ARHGAP12: variants seen among roughly 807,000 people sequenced by gnomAD.
ARHGAP12 encodes Rho GTPase activating protein 12.
ARHGAP12 carries 64 observed loss-of-function variants against 108.6 expected under a neutral mutation model. The ratio of observed to expected loss-of-function variants is 0.59; its 90% CI spans 0.48 to 0.73. ARHGAP12 has a LOEUF of 0.73. Among genes scored for constraint, ARHGAP12 ranks in the 30% least tolerant of loss-of-function variants. The probability of loss-of-function intolerance (pLI) is 0.00; values close to 1 mark genes in which losing one functional copy is unlikely to be tolerated. For synonymous variants in ARHGAP12, 312 were observed against 337.2 expected, an observed-to-expected ratio of 0.93 and a Z score of 0.82; for missense variants, 940 against 1,005.9, an observed-to-expected ratio of 0.93 and a Z score of 0.89.
Position 31,839,619 on chromosome 10 carries a change from T to A in ARHGAP12, c.1371+18A>T. 1 of 1,574,638 alleles carries A rather than the reference T, an allele frequency of 6.4e-7. No individual in the cohort carries two copies. The highest frequency in any genetic ancestry group is 8.7e-7 in the Non-Finnish European group (1 of 1,150,218). Reference sequence around the variant, plus strand: ...AATAACTGGACTACATTATAAGATATGCTTCTATCATACTAACTGTATCTT... The same window carrying A: ...AATAACTGGACTACATTATAAGATAAGCTTCTATCATACTAACTGTATCTT... On this transcript the variant is annotated intron_variant, in intron 8 of 19. Coordinates refer to ENST00000344936, the MANE Select transcript of ARHGAP12 (RefSeq NM_018287.7).
At position 31,813,340 on chromosome 10, in the gene ARHGAP12, A is replaced by G. The variant is rs1272002990; in HGVS notation, c.1835-517T>C. 3.9e-5 allele frequency among the ~76,000 whole-genome samples: 6 copies of G among 152,260 alleles called. No individual in the cohort carries two copies. In the Middle Eastern group the frequency reaches 0.014, roughly 345 times the overall value. On this transcript the variant is annotated intron_variant, in intron 14 of 19. Coordinates refer to ENST00000344936, the MANE Select transcript of ARHGAP12 (RefSeq NM_018287.7). Reference sequence around the variant, plus strand: ...TGTATTTTAAGCTAACTTTCATCATAATTATTTGTACTCTAAGCTACAAAT... The same window carrying G: ...TGTATTTTAAGCTAACTTTCATCATGATTATTTGTACTCTAAGCTACAAAT...
intron 2 of ARHGAP12, among the ~76,000 whole-genome samples, chr10:31,910,205 G>A (rs1177159772): frequency 1.3e-5 from 2 of 152,162 alleles, no homozygotes; most frequent in African/African-American, 4.8e-5. Flanking sequence ...AGCAGCCCTA[G>A]GAAACTAATA....
rs531277359 is a variant in ARHGAP12, at chr10:31,919,986, T to C, written c.-111+8697A>G. ...CAAAAATTAGCTGGCCATGGTGGCA[T>C]GCCTGTAATCCCAGCTACTCAAGGC... On this transcript the variant is annotated intron_variant, in intron 1 of 19. Transcript: ENST00000344936. Among the ~76,000 whole-genome samples, 33 of 150,064 alleles carry C rather than the reference T, an allele frequency of 2.2e-4. No individual in the cohort carries two copies. In the South Asian group the frequency reaches 6.3e-3, roughly 29 times the overall value.
At chr10:31,882,604 G>A (rs1838016583) in intron 3 of ARHGAP12, among the ~76,000 whole-genome samples, 1 of 151,306 alleles carries the variant, frequency 6.6e-6, no homozygotes, top group East Asian at 2.0e-4. Context: ...CATGAGGTCA[G>A]GAGTTTGAGA....
Position 31,908,484 on chromosome 10 carries a change from T to C in ARHGAP12, c.372A>G (p.Gln124=). The C allele has an allele frequency of 1.2e-6, 2 of 1,614,264 alleles. No homozygotes were observed. Among genetic ancestry groups the C allele is most frequent in the East Asian group, 4.5e-5 (2 of 44,892 alleles). ...TGGCATCACGAATAAGACCTGTTCC[T>C]TGAACAGATGACGATGGCTTTCCGA... ...SSFGKPSSSV[Q]GTGLIRDANQ... Residue 124 remains glutamine (Q), a synonymous_variant, in exon 3 of 20, where the codon CAA becomes CAG. Transcript: ENST00000344936.
intron 3 of ARHGAP12, among the ~76,000 whole-genome samples, chr10:31,883,593 C>T (rs1027980526): frequency 5.9e-5 from 9 of 152,146 alleles, no homozygotes; most frequent in African/African-American, 1.4e-4. Context: ...CCATCCTTAC[C>T]GGAGACATAA....
intron 9 of ARHGAP12, among the ~76,000 whole-genome samples, chr10:31,834,621 T>C (rs1835945152): frequency 6.6e-6 from 1 of 152,214 alleles, no homozygotes; most frequent in Non-Finnish European, 1.5e-5. Flanking sequence ...TTTATTACTT[T>C]TATTACTTCA....
intron 3 of ARHGAP12, among the ~76,000 whole-genome samples, chr10:31,893,508 A>C (rs1838546083): frequency 6.6e-6 from 1 of 152,222 alleles, no homozygotes; most frequent in African/African-American, 2.4e-5. Flanking sequence ...GAAACGGATA[A>C]ATTCCTCGAC....
intron 15 of ARHGAP12, among the ~76,000 whole-genome samples, chr10:31,811,917 A>G (rs1835037907): frequency 6.6e-6 from 1 of 152,064 alleles, no homozygotes; most frequent in Non-Finnish European, 1.5e-5. Context: ...TGCCTCCCAA[A>G]GTGGGGGGTT....
At chr10:31,835,681 T>C (rs932662753) in intron 9 of ARHGAP12, among the ~76,000 whole-genome samples, 1 of 152,218 alleles carries the variant, frequency 6.6e-6, no homozygotes, top group Non-Finnish European at 1.5e-5. Flanking sequence ...AAAATCCTTA[T>C]CTTCAGTTAA....
chr10:31,853,454 T>C (rs1040060597), intron 5 of ARHGAP12, among the ~76,000 whole-genome samples: 1 of 152,142 alleles, frequency 6.6e-6, no homozygotes, highest in Non-Finnish European at 1.5e-5. Flanking sequence ...ATCTTGAGTA[T>C]GACATAAATG....
chr10:31,928,174 G>GCGCA (rs149445215), intron 1 of ARHGAP12, among the ~76,000 whole-genome samples: 307 of 149,392 alleles, frequency 2.1e-3, no homozygotes, highest in African/African-American at 4.7e-3. Flanking sequence ...GGCCTTTTGC[G>GCGCA]CACACACACA....
chr10:31,832,328 A>T (rs1184744740), intron 9 of ARHGAP12, among the ~76,000 whole-genome samples: 2 of 152,224 alleles, frequency 1.3e-5, no homozygotes, highest in African/African-American at 4.8e-5. Context: ...AATGTAGCAT[A>T]AAAAATTCAG....
chr10:31,881,826 ATAT>A (rs1476320816), intron 3 of ARHGAP12, among the ~76,000 whole-genome samples: 1 of 152,198 alleles, frequency 6.6e-6, no homozygotes, highest in Non-Finnish European at 1.5e-5. Context: ...CATAACTAGC[ATAT>A]TAAGAATACT....
At chr10:31,818,886 A>C (rs1401047085) in intron 12 of ARHGAP12, among the ~76,000 whole-genome samples, 1 of 152,064 alleles carries the variant, frequency 6.6e-6, no homozygotes, top group African/African-American at 2.4e-5. Flanking sequence ...TTTATTCTTG[A>C]TTTACCTTTT....
At chr10:31,877,522 G>A (rs1394162659) in intron 3 of ARHGAP12, among the ~76,000 whole-genome samples, 1 of 152,146 alleles carries the variant, frequency 6.6e-6, no homozygotes, top group African/African-American at 2.4e-5. Context: ...TGGCTAGTAA[G>A]CTATTGTACC....
intron 13 of ARHGAP12, among the ~76,000 whole-genome samples, chr10:31,815,777 TTCTTGCACC>T (rs1309765101): frequency 6.6e-4 from 100 of 152,326 alleles, no homozygotes; most frequent in African/African-American, 2.3e-3. Context: ...CCCTGCAAAG[TTCTTGCACC>T]TCTTGCTACA....
intron 7 of ARHGAP12, among the ~76,000 whole-genome samples, chr10:31,842,387 T>C (rs1190293696): frequency 6.6e-6 from 1 of 152,062 alleles, no homozygotes; most frequent in African/African-American, 2.4e-5. Flanking sequence ...ATATCTTCAA[T>C]AGCACAGACT....
chr10:31,846,665 T>C (rs1836469991), intron 6 of ARHGAP12, among the ~76,000 whole-genome samples: 1 of 152,178 alleles, frequency 6.6e-6, no homozygotes, highest in African/African-American at 2.4e-5. Context: ...TCTTTAGTTT[T>C]CAGAAATTTT....
Sources: allele counts gnomAD v4.1 joint callset (sites outside exome capture counted in the v4.1 genomes callset), GRCh38; gene constraint gnomAD v4.1.1; transcripts MANE v1.5; gene names NCBI Gene and HGNC (gene_info 2026-07-23, HGNC 2026-07-21).